The following TASOR variants were observed in gnomAD, a reference collection of about 807,000 sequenced individuals.
TASOR encodes the protein protein TASOR.
A neutral mutation model predicts 178.6 loss-of-function variants in TASOR; 53 were observed. The observed-to-expected ratio is 0.30, with a 90% CI of 0.24 to 0.37. TASOR has a LOEUF of 0.37. Among genes scored for constraint, TASOR ranks in the 10% least tolerant of loss-of-function variants. The pLI is 1.00. For missense variants in TASOR, 1,815 were observed against 1,971.4 expected (o/e 0.92, Z 1.50); for synonymous variants, 713 against 696.2 (o/e 1.02, Z -0.38).
chr3:56,657,705 A>C (rs1056211368), intron 11 of TASOR, among the ~76,000 whole-genome samples: 1 of 152,206 alleles, frequency 6.6e-6, no homozygotes, highest in Admixed American at 6.5e-5. Flanking sequence ...TTACATTTCA[A>C]TACAGAATGA....
At chr3:56,635,819 A>C (rs1286657402) in intron 17 of TASOR, among the ~76,000 whole-genome samples, 2 of 152,186 alleles carry the variant, frequency 1.3e-5, no homozygotes, top group African/African-American at 4.8e-5. Flanking sequence ...ATGTATAGCT[A>C]AACAACAACC....
In TASOR at chr3:56,682,894, T is replaced by G. The variant is rs958755; in HGVS notation, c.113A>C (p.Gln38Pro). 0.52 allele frequency: 812,395 copies of G among 1,550,152 alleles called. 226,583 individuals carry two copies. The highest frequency in any genetic ancestry group is 0.93 in the East Asian group (38,061 of 40,810). Reference protein sequence around the residue: ...KQALPELESSQQNGGGGGLNI... With the variant: ...KQALPELESSPQNGGGGGLNI... ...GAGGCCGCCGCCGCCGCCATTTTGT[T>G]GGGAGGACTCAAGCTCCGGAAGCGC... The change falls in exon 1 of 24, where the codon CAA becomes CCA. Residue 38 changes from glutamine (Q) to proline (P), a missense_variant. Physicochemically the swap from Gln to Pro is moderately conservative, Grantham distance 76. This residue lies in a region of TASOR where 244 missense variants were observed against 202.7 expected (regional missense o/e 1.20). Coordinates refer to ENST00000683822, the MANE Select transcript of TASOR (RefSeq NM_001365635.2).
Position 56,683,052 on chromosome 3 carries a change from A to G in TASOR, c.-46T>C. The G allele has an allele frequency of 6.8e-7, 1 of 1,462,356 alleles. No individual in the cohort carries two copies. The highest frequency in any genetic ancestry group is 1.4e-5 in the African/African-American group (1 of 70,462). 90.6% of individuals were successfully genotyped at this position (1,462,356 alleles called of 1,614,324 possible). ...TGGGAAGCTTCTGCCCACAAGGTCG[A>G]CGGGTGTGGGGGGAAGGGGCGGCGG... On this transcript the variant is annotated 5_prime_UTR_variant, in exon 1 of 24. Transcript: ENST00000683822.
At chr3:56,674,298 C>G (rs944392085) in intron 1 of TASOR, among the ~76,000 whole-genome samples, 11 of 149,908 alleles carry the variant, frequency 7.3e-5, no homozygotes, top group Admixed American at 5.3e-4. Context: ...CTCAGGAGTT[C>G]CAGAGCAGCC....
At position 56,673,569 on chromosome 3, in the gene TASOR, T is replaced by C. The variant is rs1380739918; in HGVS notation, c.477+11A>G. The C allele has an allele frequency of 6.5e-7, 1 of 1,536,820 alleles. No homozygotes were observed. The highest frequency in any genetic ancestry group is 1.2e-5 in the South Asian group (1 of 80,352). On this transcript the variant is annotated intron_variant, in intron 2 of 23. Transcript: ENST00000683822. ...AAAACAATCTTACAGTAAGTATAAT[T>C]TAAAACATACCTCCTTTTCCAAAAG... is the stretch of plus-strand genomic sequence containing the variant.
Position 56,673,701 on chromosome 3 carries a change from C to G in TASOR, c.356G>C (p.Gly119Ala), listed in dbSNP as rs1167339313. The G allele has an allele frequency of 6.5e-7, 1 of 1,546,976 alleles. No homozygotes were observed. The highest frequency in any genetic ancestry group is 8.7e-7 in the Non-Finnish European group (1 of 1,145,640). The change falls in exon 2 of 24, where the codon GGC (glycine) becomes GCC (alanine). Residue 119 changes from glycine (G) to alanine (A), a missense_variant. Physicochemically the swap from Gly to Ala is moderately conservative, Grantham distance 60. Around this residue, in one of 5 missense-constraint regions of TASOR, gnomAD observed 244 missense variants for 202.7 expected, o/e 1.20. Coordinates refer to ENST00000683822, the MANE Select transcript of TASOR (RefSeq NM_001365635.2). ...KKALFQPLTP[G>A]SREFEDVVNI... ...TACAACATCTTCAAATTCTCGAGAGCCTGGAGTTAATGGCTGGAAAAGTGC... is the reference window on the plus strand; with the variant it reads ...TACAACATCTTCAAATTCTCGAGAGGCTGGAGTTAATGGCTGGAAAAGTGC...
At position 56,683,222 on chromosome 3, in the gene TASOR, C is replaced by T. The variant is rs891929796; in HGVS notation, c.-216G>A. 3.0e-5 allele frequency: 15 copies of T among 495,218 alleles called. No homozygotes were observed. Among genetic ancestry groups the T allele is most frequent in the African/African-American group, 2.8e-4 (14 of 49,436 alleles). 30.7% of individuals were successfully genotyped at this position (495,218 alleles called of 1,614,324 possible). On this transcript the variant is annotated 5_prime_UTR_variant, in exon 1 of 24. Transcript: ENST00000683822. The stretch of plus-strand genomic sequence containing the variant: ...GCCCGGTCCTCGGAGCCGCTCCTCC[C>T]TCGGGCAGTTCTTCTGCCTTCCCCC...
chr3:56,645,968 G>A (rs774837594), intron 14 of TASOR, among the ~76,000 whole-genome samples: 1 of 152,118 alleles, frequency 6.6e-6, no homozygotes, highest in Admixed American at 6.6e-5. Context: ...CTCACATGGT[G>A]AAACCCCGTC....
At chr3:56,628,267 T>G (rs546641809) in intron 19 of TASOR, among the ~76,000 whole-genome samples, 4 of 152,226 alleles carry the variant, frequency 2.6e-5, no homozygotes, top group African/African-American at 4.8e-5. Context: ...GATTCAGTAC[T>G]CTTATTAGTC....
intron 13 of TASOR, among the ~76,000 whole-genome samples, chr3:56,647,651 T>C (rs1301596036): frequency 1.3e-5 from 2 of 152,168 alleles, no homozygotes; most frequent in East Asian, 1.9e-4. Flanking sequence ...TGAACAGATA[T>C]GTAGATGCTG....
intron 11 of TASOR, among the ~76,000 whole-genome samples, chr3:56,651,752 GA>G (rs1198507124): frequency 2.1e-5 from 3 of 145,612 alleles, no homozygotes; most frequent in South Asian, 2.2e-4. Flanking sequence ...AGATTCAGCA[GA>G]AAAAAAAAGA....
chr3:56,641,587 T>C lies in TASOR; in HGVS notation c.2381A>G (p.Asn794Ser), dbSNP rs755491659. Reference protein sequence around the residue: ...HSDASLTDTVNKALGLSTDDA... With the variant: ...HSDASLTDTVSKALGLSTDDA... ...ATCAGTGCTCAATCCTAAGGCTTTG[T>C]TGACTGTGTCTGTCAGAGATGCATC... is the stretch of plus-strand genomic sequence containing the variant. The change falls in exon 15 of 24, where the codon AAC (asparagine) becomes AGC (serine). Residue 794 changes from asparagine (N) to serine (S), a missense_variant. Transcript: ENST00000683822. The C allele has an allele frequency of 7.4e-6, 12 of 1,614,204 alleles. No homozygotes were observed. Among genetic ancestry groups the C allele is most frequent in the South Asian group, 1.1e-5 (1 of 91,086 alleles).
rs1336483284 is a variant in TASOR, at chr3:56,620,717, T to A, written c.*2320A>T. ...TAGAGTGACGAAGTGTTAGTTTACT[T>A]CTTGCTTAGTGGAGACAAAAATTGT... is the stretch of plus-strand genomic sequence containing the variant. On this transcript the variant is annotated 3_prime_UTR_variant, in exon 24 of 24. Coordinates refer to ENST00000683822, the MANE Select transcript of TASOR (RefSeq NM_001365635.2). 6.6e-6 allele frequency: 1 copy of A among 152,244 alleles called. No individual in the cohort carries two copies. The highest frequency in any genetic ancestry group is 2.4e-5 in the African/African-American group (1 of 41,454). 9.4% of individuals were successfully genotyped at this position (152,244 alleles called of 1,614,324 possible). A position where few individuals can be genotyped will look rare whatever the true frequency, so the allele number is the denominator to read the frequency against.
intron 6 of TASOR, 76 bp downstream of exon 6, chr3:56,668,321 G>A: frequency 1.4e-6 from 2 of 1,399,758 alleles, no homozygotes; most frequent in Non-Finnish European, 1.9e-6. Context: ...AGAGAGAACT[G>A]AAAGGGAGAC....
chr3:56,630,789 G>A (rs1438618237), intron 18 of TASOR, among the ~76,000 whole-genome samples: 1 of 152,036 alleles, frequency 6.6e-6, no homozygotes, highest in African/African-American at 2.4e-5. Flanking sequence ...AGGTTGCAGT[G>A]AGCCAAGATA....
intron 11 of TASOR, among the ~76,000 whole-genome samples, chr3:56,660,305 C>G (rs569033075): frequency 1.3e-5 from 2 of 151,846 alleles, no homozygotes; most frequent in African/African-American, 4.8e-5. Flanking sequence ...TCCTGGACAA[C>G]ACGGTGAAAC....
Position 56,659,815 on chromosome 3 carries a change from A to G in TASOR, c.1368+916T>C, listed in dbSNP as rs568870912. Among the ~76,000 whole-genome samples, 10 of 152,102 alleles carry G rather than the reference A, an allele frequency of 6.6e-5. No individual in the cohort carries two copies. In the South Asian group the frequency reaches 2.1e-3, roughly 32 times the overall value. The stretch of plus-strand genomic sequence containing the variant: ...ACACAGGTCCCTACTACTTTCCCCC[A>G]ACTACTCTAGTGTTCCTTTATCTCC... On this transcript the variant is annotated intron_variant, in intron 11 of 23. Transcript: ENST00000683822.
chr3:56,665,405 T>TGCAGTGCACCC (rs1250324843), intron 7 of TASOR, among the ~76,000 whole-genome samples: 4 of 152,018 alleles, frequency 2.6e-5, no homozygotes, highest in Non-Finnish European at 2.9e-5. Flanking sequence ...ACCCAGGCTG[T>TGCAGTGCACCC]AGTGCAGTGG....
rs7619465 is a variant in TASOR, at chr3:56,661,032, T to A, written c.1161-15A>T. ...ATTTCTCAGGTCTGAAAGAAAATTT[T>A]AAAAACATGTTTGCCTTATCTGTAT... On this transcript the variant is annotated splice_polypyrimidine_tract_variant and intron_variant, in intron 9 of 23. Coordinates refer to ENST00000683822, the MANE Select transcript of TASOR (RefSeq NM_001365635.2). The A allele has an allele frequency of 0.53, 816,788 of 1,552,030 alleles. 228,882 individuals carry two copies. Among genetic ancestry groups the A allele is most frequent in the East Asian group, 0.93 (41,272 of 44,146 alleles).
Sources: allele counts gnomAD v4.1 joint callset (sites outside exome capture counted in the v4.1 genomes callset), GRCh38; gene constraint gnomAD v4.1.1; regional missense constraint gnomAD v4.1.1; transcripts MANE v1.5; gene names NCBI Gene and HGNC (gene_info 2026-07-23, HGNC 2026-07-21).